Variants in IL15RA observed in about 807,000 individuals in gnomAD.
IL15RA encodes interleukin 15 receptor subunit alpha.
IL15RA carries 26 observed loss-of-function variants against 24.2 expected under a neutral mutation model. That is an observed-to-expected ratio of 1.07 (90% CI 0.79 to 1.49). The LOEUF is 1.49. Ranked by LOEUF, IL15RA falls within the 40% of genes most tolerant of loss-of-function variation. The pLI is 0.00. For missense variants in IL15RA, 354 were observed against 356.4 expected (o/e 0.99, Z 0.05); for synonymous variants, 166 against 157.6 (o/e 1.05, Z -0.40).
intron 6 of IL15RA, chr10:5,954,020 G>C (rs1000815304): frequency 1.3e-5 from 2 of 152,218 alleles, no homozygotes; most frequent in Non-Finnish European, 2.9e-5. Flanking sequence ...AGGCAGGATG[G>C]GGGTCAATTC....
rs753806007 is a variant in IL15RA at position 5,966,379 on chromosome 10, C to A, written c.89-40G>T. The A allele has an allele frequency of 6.4e-7, 1 of 1,557,950 alleles. No homozygotes were observed. Among genetic ancestry groups the A allele is most frequent in the Non-Finnish European group, 8.8e-7 (1 of 1,133,168 alleles). On this transcript the variant is annotated intron_variant, in intron 1 of 6. Transcript: ENST00000379977. The surrounding 1 kb of genome is among the most constrained non-coding windows in gnomAD (Gnocchi z 6.4). ...AGGACAGGGGACGGTGAAGAGGTTTCCACTTGTAAGAGGCGTTCTCCAGGC... is the reference window on the plus strand; with the variant it reads ...AGGACAGGGGACGGTGAAGAGGTTTACACTTGTAAGAGGCGTTCTCCAGGC...
At chr10:5,951,174 T>A (rs796068206), downstream of IL15RA, among the ~76,000 whole-genome samples, 5,903 of 87,454 alleles carry the variant, frequency 0.067, 307 homozygotes, top group African/African-American at 0.16. Context: ...AAAAAAAAAA[T>A]ATTAGCCAGG....
At position 5,960,590 on chromosome 10, in the gene IL15RA, G is replaced by C; in HGVS notation, c.383-23C>G. On this transcript the variant is annotated intron_variant, in intron 3 of 6. Coordinates refer to ENST00000379977, the MANE Select transcript of IL15RA (RefSeq NM_002189.4). This position sits in a 1 kb window ranked among gnomAD's most constrained non-coding sequence, Gnocchi z 5.1. ...GCTCTGTAGGAGAGTCCAAGGCAGG[G>C]ACAACATCAGTGTGCAGACTCCCCT... The C allele has an allele frequency of 6.2e-7, 1 of 1,605,490 alleles. No individual in the cohort carries two copies. Among genetic ancestry groups the C allele is most frequent in the East Asian group, 2.2e-5 (1 of 44,822 alleles).
Position 5,975,062 on chromosome 10 carries a change from CACTCT to C in IL15RA, c.88+2338_88+2342del, listed in dbSNP as rs1399122703. Among the ~76,000 whole-genome samples the C allele has an allele frequency of 1.3e-5, 2 of 151,760 alleles. No individual in the cohort carries two copies. Among genetic ancestry groups the C allele is most frequent in the Admixed American group, 6.6e-5 (1 of 15,238 alleles). ...ACATACACCTGCCATATAACACAGCCACTCTACTCCCAACCATTCTCTACCCATGA... is the reference window on the plus strand; with the variant it reads ...ACATACACCTGCCATATAACACAGCCACTCCCAACCATTCTCTACCCATGA... On this transcript the variant is annotated intron_variant, in intron 1 of 6. Coordinates refer to ENST00000379977, the MANE Select transcript of IL15RA (RefSeq NM_002189.4). The surrounding 1 kb of genome is among the most constrained non-coding windows in gnomAD (Gnocchi z 4.8).
chr10:5,972,142 C>G (rs1232771987), intron 1 of IL15RA, among the ~76,000 whole-genome samples: 2 of 152,156 alleles, frequency 1.3e-5, no homozygotes, highest in African/African-American at 4.8e-5. Flanking sequence ...GTTCATTCTT[C>G]ACACTCTGAA....
chr10:5,960,350 G>A lies in IL15RA; in HGVS notation c.583+17C>T, dbSNP rs745820401. The A allele has an allele frequency of 1.2e-6, 2 of 1,612,212 alleles. No individual in the cohort carries two copies. The highest frequency in any genetic ancestry group is 2.2e-5 in the South Asian group (2 of 91,024). On this transcript the variant is annotated intron_variant, in intron 4 of 6. Coordinates refer to ENST00000379977, the MANE Select transcript of IL15RA (RefSeq NM_002189.4). The surrounding 1 kb of genome is among the most constrained non-coding windows in gnomAD (Gnocchi z 5.1). ...CAATGGGGAACTGACCTCTCCTGGGGCAAAGCGAGTGCTAACCTGGCGGCT... is the reference window on the plus strand; with the variant it reads ...CAATGGGGAACTGACCTCTCCTGGGACAAAGCGAGTGCTAACCTGGCGGCT...
chr10:5,966,063 G>A lies in IL15RA; in HGVS notation c.283+82C>T. ...CCTCAGACCTCAGCACAGATCCCTT[G>A]ACCCCTGAGATGGGGTCTTCTCTCT... On this transcript the variant is annotated intron_variant, in intron 2 of 6. Transcript: ENST00000379977. This position sits in a 1 kb window ranked among gnomAD's most constrained non-coding sequence, Gnocchi z 6.4. 1.0e-6 allele frequency: 1 copy of A among 988,714 alleles called. No individual in the cohort carries two copies. Among genetic ancestry groups the A allele is most frequent in the Non-Finnish European group, 1.6e-6 (1 of 643,926 alleles). 61.2% of individuals were successfully genotyped at this position (988,714 alleles called of 1,614,324 possible). A position where few individuals can be genotyped will look rare whatever the true frequency, so the allele number is the denominator to read the frequency against.
chr10:5,956,349 C>G (rs1834516430), intron 6 of IL15RA, 30 bp downstream of exon 6: 2 of 1,564,366 alleles, frequency 1.3e-6, no homozygotes, highest in South Asian at 2.2e-5. Flanking sequence ...AAGTCTAACT[C>G]TTGCAGAGGG....
rs11574671 is a variant in IL15RA, at chr10:5,966,996, G to A, written c.89-657C>T. On this transcript the variant is annotated intron_variant, in intron 1 of 6. Transcript: ENST00000379977. This position sits in a 1 kb window ranked among gnomAD's most constrained non-coding sequence, Gnocchi z 6.4. ...ACTCCTAACCTCAAATGATCTGCCC[G>A]CCTCGGCCTCCCAAAGTGCTGGGAT... 8.5e-3 allele frequency among the ~76,000 whole-genome samples: 1,288 copies of A among 152,022 alleles called. 28 individuals carry two copies. The highest frequency in any genetic ancestry group is 0.077 in the East Asian group (392 of 5,106).
chr10:5,972,770 G>A (rs1040961763), intron 1 of IL15RA, among the ~76,000 whole-genome samples: 10 of 152,018 alleles, frequency 6.6e-5, no homozygotes, highest in African/African-American at 2.4e-4. Context: ...TATTTACTCA[G>A]TCCTCCGCTG....
downstream of IL15RA, among the ~76,000 whole-genome samples, chr10:5,952,037 A>G (rs1833911178): frequency 6.6e-6 from 1 of 152,096 alleles, no homozygotes; most frequent in South Asian, 2.1e-4. Context: ...TCCAGTCCTC[A>G]ATTTCTCATC....
At position 5,975,624 on chromosome 10, in the gene IL15RA, C is replaced by G. The variant is rs1007633196; in HGVS notation, c.88+1781G>C. ...AACAACGGCTGGGCAAGCTGGCTCA[C>G]GCCTGTAATCCCAGCACTTTGGAAG... On this transcript the variant is annotated intron_variant, in intron 1 of 6. Transcript: ENST00000379977. The surrounding 1 kb of genome is among the most constrained non-coding windows in gnomAD (Gnocchi z 4.8). 1.3e-5 allele frequency among the ~76,000 whole-genome samples: 2 copies of G among 152,116 alleles called. No individual in the cohort carries two copies. Among genetic ancestry groups the G allele is most frequent in the African/African-American group, 4.8e-5 (2 of 41,438 alleles).
At chr10:5,978,138 C>G (rs2387089), upstream of IL15RA, 69,900 of 152,004 alleles carry the variant, frequency 0.46, 16,302 homozygotes, top group East Asian at 0.54. This position sits in a 1 kb window ranked among gnomAD's most constrained non-coding sequence, Gnocchi z 5.2. Context: ...CGGCCCCCGG[C>G]GCCCGCTGGG....
intron 1 of IL15RA, among the ~76,000 whole-genome samples, chr10:5,976,284 C>CGG (rs1838438087): frequency 1.2e-5 from 1 of 81,728 alleles, no homozygotes; most frequent in Non-Finnish European, 2.4e-5. Context: ...GTGGGGGTGG[C>CGG]AGAGGGTGGG....
Position 5,968,264 on chromosome 10 carries a change from A to G in IL15RA, c.89-1925T>C, listed in dbSNP as rs7097780. On this transcript the variant is annotated intron_variant, in intron 1 of 6. Transcript: ENST00000379977. The surrounding 1 kb of genome is among the most constrained non-coding windows in gnomAD (Gnocchi z 5.4). ...ACCTAAGTCCACACAAAAACATCCCAAACCTCACTAACACATCCCTGTTAG... is the reference window on the plus strand; with the variant it reads ...ACCTAAGTCCACACAAAAACATCCCGAACCTCACTAACACATCCCTGTTAG... 0.31 allele frequency among the ~76,000 whole-genome samples: 47,620 copies of G among 151,856 alleles called. 7,717 individuals are homozygous for G. Among genetic ancestry groups the G allele is most frequent in the South Asian group, 0.35 (1,707 of 4,816 alleles).
intron 1 of IL15RA, among the ~76,000 whole-genome samples, chr10:5,974,004 G>C (rs1205957743): frequency 6.6e-6 from 1 of 150,418 alleles, no homozygotes; most frequent in East Asian, 1.9e-4. Flanking sequence ...ATAAGACAGA[G>C]TCAGAAAAAA....
chr10:5,954,499 G>A (rs1834253334), intron 6 of IL15RA, among the ~76,000 whole-genome samples: 1 of 151,926 alleles, frequency 6.6e-6, no homozygotes, highest in South Asian at 2.1e-4. Flanking sequence ...TCACTATGTT[G>A]TCCAGGCTGG....
Position 5,953,661 on chromosome 10 carries a change from G to A in IL15RA, c.693-455C>T, listed in dbSNP as rs1368266978. 1 of 366,674 alleles carries A rather than the reference G, an allele frequency of 2.7e-6. No individual in the cohort carries two copies. 22.7% of individuals were successfully genotyped at this position (366,674 alleles called of 1,614,324 possible). ...TGCCAAAAAGCCATTCAAATGGCAG[G>A]AACAAGAGAAGGAGAGAGTGACTGG... On this transcript the variant is annotated intron_variant, in intron 6 of 6. Coordinates refer to ENST00000379977, the MANE Select transcript of IL15RA (RefSeq NM_002189.4). The surrounding 1 kb of genome is among the most constrained non-coding windows in gnomAD (Gnocchi z 5.3).
intron 1 of IL15RA, among the ~76,000 whole-genome samples, chr10:5,969,549 T>C (rs926297869): frequency 1.3e-5 from 2 of 151,832 alleles, no homozygotes; most frequent in East Asian, 1.9e-4. Context: ...GTTATTATTT[T>C]TTTAATTTGT....
Sources: gnomAD v4.1 joint callset for allele counts (sites outside exome capture counted in the v4.1 genomes callset) on GRCh38, gnomAD v4.1.1 for gene constraint, Gnocchi (gnomAD v3.1) non-coding constraint, MANE v1.5 for transcripts, NCBI Gene and HGNC (gene_info 2026-07-23, HGNC 2026-07-21) for gene names.